The following DPP6 variants were observed in gnomAD, a reference collection of about 807,000 sequenced individuals.
The protein encoded by DPP6 is A-type potassium channel modulatory protein DPP6.
A neutral mutation model predicts 122.6 loss-of-function variants in DPP6; 69 were observed. The ratio of observed to expected loss-of-function variants is 0.56; its 90% CI spans 0.46 to 0.69. DPP6 has a LOEUF of 0.69. DPP6 is among the 30% of genes least tolerant of loss of function. The probability of loss-of-function intolerance (pLI) is 0.00; values close to 1 mark genes in which losing one functional copy is unlikely to be tolerated. For missense variants in DPP6, 928 were observed against 1,116.9 expected, an observed-to-expected ratio of 0.83 and a Z score of 2.41; for synonymous variants, 418 against 433.1, an observed-to-expected ratio of 0.97 and a Z score of 0.43.
intron 1 of DPP6, among the ~76,000 whole-genome samples, chr7:154,366,466 G>A (rs1014152973): frequency 6.6e-6 from 1 of 152,220 alleles, no homozygotes; most frequent in Admixed American, 6.5e-5. Context: ...AATCGGCACA[G>A]TGGTTCTCAG....
the DPP6 span, among the ~76,000 whole-genome samples, chr7:153,848,148 C>T: frequency 6.6e-6 from 1 of 152,154 alleles, no homozygotes; most frequent in Non-Finnish European, 1.5e-5. Context: ...GGCTGAGGCC[C>T]TGACAAGCTA....
Position 154,821,653 on chromosome 7 carries a change from T to C in DPP6, c.1666+14541T>C, listed in dbSNP as rs34095144. 0.024 allele frequency among the ~76,000 whole-genome samples: 2,540 copies of C among 107,052 alleles called. 87 individuals carry two copies. The highest frequency in any genetic ancestry group is 0.077 in the African/African-American group (2,270 of 29,610). The allele number at this position is 107,052 out of a possible 152,430, so 70.2% of individuals were successfully genotyped here. ...GTATATATATATATATATACACATATATATATATATACACATATATATATA... is the reference window on the plus strand; with the variant it reads ...GTATATATATATATATATACACATACATATATATATACACATATATATATA... On this transcript the variant is annotated intron_variant, in intron 16 of 25. Coordinates refer to ENST00000377770, the MANE Select transcript of DPP6 (RefSeq NM_130797.4). The surrounding 1 kb of genome is among the most constrained non-coding windows in gnomAD (Gnocchi z 4.2).
At chr7:154,053,412 C>T (rs1002422846) in intron 1 of DPP6, among the ~76,000 whole-genome samples, 5 of 151,950 alleles carry the variant, frequency 3.3e-5, no homozygotes, top group Non-Finnish European at 7.4e-5. Flanking sequence ...AGAATTCGAT[C>T]GGCCTGTGCT....
the DPP6 span, among the ~76,000 whole-genome samples, chr7:153,804,360 C>T: frequency 6.6e-6 from 1 of 152,008 alleles, no homozygotes; most frequent in African/African-American, 2.4e-5. Context: ...CCCACTAGTA[C>T]TTTTGATATC....
intron 1 of DPP6, among the ~76,000 whole-genome samples, chr7:153,916,409 C>G (rs1159151087): frequency 2.3e-5 from 3 of 131,178 alleles, no homozygotes; most frequent in Non-Finnish European, 4.9e-5. Flanking sequence ...CTCCCCTCCT[C>G]TCTCCTCCCC....
intron 1 of DPP6, among the ~76,000 whole-genome samples, chr7:153,917,802 TCA>T (rs1032089814): frequency 2.0e-5 from 3 of 152,222 alleles, no homozygotes; most frequent in African/African-American, 7.2e-5. Context: ...TCAAATTGCA[TCA>T]GACTGAAGTC....
chr7:153,877,124 A>G, the DPP6 span, among the ~76,000 whole-genome samples: 1 of 152,012 alleles, frequency 6.6e-6, no homozygotes, highest in East Asian at 1.9e-4. Flanking sequence ...AACTAAAACT[A>G]AAACAAAAAA....
intron 1 of DPP6, among the ~76,000 whole-genome samples, chr7:154,002,477 T>G (rs1367309960): frequency 1.3e-5 from 2 of 152,222 alleles, no homozygotes. Context: ...CTATGTCTCA[T>G]TCATTATTGT....
intron 1 of DPP6, among the ~76,000 whole-genome samples, chr7:154,170,587 T>C (rs1797486264): frequency 6.6e-6 from 1 of 152,188 alleles, no homozygotes; most frequent in African/African-American, 2.4e-5. Context: ...TACAATTTAT[T>C]ATCCTCCGAA....
the DPP6 span, among the ~76,000 whole-genome samples, chr7:153,790,941 A>G: frequency 9.2e-5 from 14 of 152,334 alleles, no homozygotes; most frequent in African/African-American, 3.4e-4. Context: ...CTACGGAGCA[A>G]CTAGTCATTT....
chr7:154,540,500 CA>C, intron 3 of DPP6, 31 bp from the exon 4 acceptor site: 2 of 1,345,712 alleles, frequency 1.5e-6, no homozygotes, highest in Non-Finnish European at 2.1e-6. Flanking sequence ...CTTGATGTTT[CA>C]TGTGGTTTTT....
intron 5 of DPP6, among the ~76,000 whole-genome samples, chr7:154,574,802 T>G (rs1486857227): frequency 1.1e-4 from 14 of 128,482 alleles, no homozygotes; most frequent in Non-Finnish European, 2.0e-4. Flanking sequence ...TGGTGTGTGT[T>G]TGTGTGTGTG....
At chr7:154,271,738 A>G (rs1204744446) in intron 1 of DPP6, among the ~76,000 whole-genome samples, 1 of 152,242 alleles carries the variant, frequency 6.6e-6, no homozygotes, top group East Asian at 1.9e-4. Flanking sequence ...GATACAAGGC[A>G]TCAGGCTGCC....
At chr7:153,767,336 A>G in the DPP6 span, among the ~76,000 whole-genome samples, 2 of 152,142 alleles carry the variant, frequency 1.3e-5, no homozygotes, top group South Asian at 4.2e-4. Flanking sequence ...TCTAAAACTT[A>G]TGTGTTAGCC....
chr7:154,427,190 A>G (rs1759158540), intron 1 of DPP6, among the ~76,000 whole-genome samples: 1 of 152,220 alleles, frequency 6.6e-6, no homozygotes, highest in Non-Finnish European at 1.5e-5. Context: ...GAGAGGCACA[A>G]GTATTTTTGT....
chr7:154,167,015 A>C (rs1585534490), intron 1 of DPP6, among the ~76,000 whole-genome samples: 1 of 149,576 alleles, frequency 6.7e-6, no homozygotes, highest in South Asian at 2.1e-4. Flanking sequence ...AAAAATTGTA[A>C]GTATGTGTGG....
At chr7:154,127,634 GACACAC>G (rs1045351086) in intron 1 of DPP6, among the ~76,000 whole-genome samples, 1 of 59,722 alleles carries the variant, frequency 1.7e-5, no homozygotes, top group South Asian at 6.2e-4. Flanking sequence ...CACACACACA[GACACAC>G]ACACACACAC....
At chr7:154,776,684 G>A (rs1022521673) in intron 10 of DPP6, among the ~76,000 whole-genome samples, 1 of 152,114 alleles carries the variant, frequency 6.6e-6, no homozygotes, top group African/African-American at 2.4e-5. Flanking sequence ...TATTTGCATG[G>A]GATTCTTGAA....
chr7:154,315,079 GA>G (rs1337919658), intron 1 of DPP6, among the ~76,000 whole-genome samples: 2 of 152,186 alleles, frequency 1.3e-5, no homozygotes, highest in Non-Finnish European at 2.9e-5. Context: ...AGTTGCTTTT[GA>G]AACAAGGAAA....
Sources: gnomAD v4.1 joint callset for allele counts (sites outside exome capture counted in the v4.1 genomes callset) on GRCh38, gnomAD v4.1.1 for gene constraint, Gnocchi (gnomAD v3.1) non-coding constraint, MANE v1.5 for transcripts, NCBI Gene and HGNC (gene_info 2026-07-23, HGNC 2026-07-21) for gene names.